MAOA: variants seen among roughly 807,000 people sequenced by gnomAD.
The protein encoded by MAOA is amine oxidase [flavin-containing] A.
A neutral mutation model predicts 42.0 loss-of-function variants in MAOA; 6 were observed. That is an observed-to-expected ratio of 0.14 (90% CI 0.08 to 0.28). The LOEUF (loss-of-function observed/expected upper bound fraction) is 0.28, where lower values mean the gene tolerates loss of function less well. Among genes scored for constraint, MAOA ranks in the 10% least tolerant of loss-of-function variants. The probability of loss-of-function intolerance (pLI) is 1.00; values close to 1 mark genes in which losing one functional copy is unlikely to be tolerated. For synonymous variants in MAOA, 140 were observed against 154.0 expected, an observed-to-expected ratio of 0.91 and a Z score of 0.67; for missense variants, 262 against 422.3, an observed-to-expected ratio of 0.62 and a Z score of 3.33.
chrX:43,723,657 C>T (rs899223594), intron 5 of MAOA, among the ~76,000 whole-genome samples: 3 of 111,550 alleles, frequency 2.7e-5, no homozygotes. Context: ...TTCCTCTCTT[C>T]CTAATTGAAT....
intron 3 of MAOA, among the ~76,000 whole-genome samples, chrX:43,703,513 A>G (rs1326518553): frequency 8.9e-6 from 1 of 112,153 alleles, no homozygotes; most frequent in Non-Finnish European, 1.9e-5. Context: ...TTGTATTCCC[A>G]TGTGTAACAT....
chrX:43,733,471 G>T (rs187183109), intron 9 of MAOA, among the ~76,000 whole-genome samples: 1 of 111,668 alleles, frequency 9.0e-6, no homozygotes, highest in Admixed American at 9.5e-5. Flanking sequence ...TGTCCTACTC[G>T]TTGGGGGCTG....
At chrX:43,739,533 G>C (rs955983432) in intron 10 of MAOA, among the ~76,000 whole-genome samples, 1 of 112,002 alleles carries the variant, frequency 8.9e-6, no homozygotes. Flanking sequence ...AGAGAAATTG[G>C]GGGCATGTCT....
intron 1 of MAOA, among the ~76,000 whole-genome samples, chrX:43,664,471 A>G (rs958068890): frequency 9.0e-6 from 1 of 111,575 alleles, no homozygotes; most frequent in African/African-American, 3.3e-5. Flanking sequence ...CAGAGGTCCA[A>G]TGTCAGCACA....
intron 10 of MAOA, among the ~76,000 whole-genome samples, chrX:43,737,307 T>A (rs1235008725): frequency 9.0e-6 from 1 of 111,249 alleles, no homozygotes; most frequent in East Asian, 2.8e-4. Flanking sequence ...GGATTTGGGG[T>A]CCAGTGATGG....
At chrX:43,659,321 T>C (rs904960838) in intron 1 of MAOA, among the ~76,000 whole-genome samples, 1 of 111,747 alleles carries the variant, frequency 8.9e-6, no homozygotes, top group African/African-American at 3.3e-5. Flanking sequence ...ATAACCCTGC[T>C]GATTTGTTGG....
chrX:43,681,751 A>G (rs1184243207), intron 1 of MAOA, among the ~76,000 whole-genome samples: 1 of 110,491 alleles, frequency 9.1e-6, no homozygotes, highest in African/African-American at 3.3e-5. Flanking sequence ...CTCTGTAATA[A>G]TGAGAAGTCT....
chrX:43,720,508 G>A (rs2033780652), intron 5 of MAOA, among the ~76,000 whole-genome samples: 1 of 110,222 alleles, frequency 9.1e-6, no homozygotes, highest in Non-Finnish European at 1.9e-5. Context: ...CAGGAAACAG[G>A]AATGCTGTAG....
Position 43,681,793 on chromosome X carries a change from C to A in MAOA, c.74-1720C>A, listed in dbSNP as rs762983121. ...AGTATAATGAGAAGTATAAAGTTAA[C>A]TAGGAACTAAGACAGAATTTGAAGT... On this transcript the variant is annotated intron_variant, in intron 1 of 14. Transcript: ENST00000338702. Among the ~76,000 whole-genome samples, 4 of 106,836 alleles carry A rather than the reference C, an allele frequency of 3.7e-5. No homozygotes were observed. The East Asian group carries it at 8.6e-4, about 23-fold the overall frequency. The allele number at this position is 106,836 out of a possible 115,157, so 92.8% of individuals were successfully genotyped here. A position where few individuals can be genotyped will look rare whatever the true frequency, so the allele number is the denominator to read the frequency against.
At chrX:43,698,723 C>A (rs1475653131) in intron 3 of MAOA, among the ~76,000 whole-genome samples, 2 of 111,451 alleles carry the variant, frequency 1.8e-5, no homozygotes, top group East Asian at 5.7e-4. Flanking sequence ...TGAATAGAAT[C>A]CCTCTTCTAA....
At chrX:43,664,049 T>C (rs1391686845) in intron 1 of MAOA, among the ~76,000 whole-genome samples, 1 of 112,351 alleles carries the variant, frequency 8.9e-6, no homozygotes, top group African/African-American at 3.2e-5. Context: ...GTCCTAATAG[T>C]GTAATTATTT....
At chrX:43,713,055 T>C (rs1396187158) in intron 5 of MAOA, among the ~76,000 whole-genome samples, 1 of 112,396 alleles carries the variant, frequency 8.9e-6, no homozygotes, top group Non-Finnish European at 1.9e-5. Context: ...AAATCAATAA[T>C]TGTGTTTTCA....
At chrX:43,686,160 G>C (rs996521879) in intron 2 of MAOA, among the ~76,000 whole-genome samples, 4 of 112,105 alleles carry the variant, frequency 3.6e-5, no homozygotes, top group African/African-American at 9.7e-5. Flanking sequence ...TTTGGAGATA[G>C]TTATTAAGTT....
At chrX:43,690,162 T>G (rs2033521125) in intron 2 of MAOA, among the ~76,000 whole-genome samples, 1 of 109,894 alleles carries the variant, frequency 9.1e-6, no homozygotes, top group East Asian at 2.8e-4. Context: ...TCAGCCACTA[T>G]TTTTTAATAC....
chrX:43,734,498 T>G (rs973546006), intron 9 of MAOA, among the ~76,000 whole-genome samples: 5 of 111,677 alleles, frequency 4.5e-5, no homozygotes, highest in Non-Finnish European at 9.4e-5. Flanking sequence ...ATGGAGTTAT[T>G]TAGGCAATTC....
rs145803401 is a variant in MAOA at position 43,668,505 on chromosome X, G to A, written c.73+12091G>A. 6.8e-3 allele frequency among the ~76,000 whole-genome samples: 766 copies of A among 111,974 alleles called. 1 individual carries two copies. The highest frequency in any genetic ancestry group is 0.012 in the Non-Finnish European group (658 of 53,100). On this transcript the variant is annotated intron_variant, in intron 1 of 14. Coordinates refer to ENST00000338702, the MANE Select transcript of MAOA (RefSeq NM_000240.4). ...CCTTACTTTATTCTAGTTTTTTAAG[G>A]TTTTTATGTTATGCATTTAAATCTT...
chrX:43,690,550 T>C (rs2033524536), intron 2 of MAOA, among the ~76,000 whole-genome samples: 1 of 111,710 alleles, frequency 9.0e-6, no homozygotes, highest in Admixed American at 9.6e-5. Flanking sequence ...TGTTTGCATG[T>C]ATGTTTTGTA....
At chrX:43,667,970 C>T (rs2033297045) in intron 1 of MAOA, among the ~76,000 whole-genome samples, 1 of 111,762 alleles carries the variant, frequency 8.9e-6, no homozygotes, top group Non-Finnish European at 1.9e-5. Flanking sequence ...CTACCACATC[C>T]TTGTATGTAG....
chrX:43,744,765 A>T lies in MAOA; in HGVS notation c.*252A>T, dbSNP rs963042356. On this transcript the variant is annotated 3_prime_UTR_variant, in exon 15 of 15. Transcript: ENST00000338702. ...ATTGATAGAATAAAGCCTTGTGATCACTTTCTGAAATTCACAAAGTTAAAC... is the reference window on the plus strand; with the variant it reads ...ATTGATAGAATAAAGCCTTGTGATCTCTTTCTGAAATTCACAAAGTTAAAC... The T allele has an allele frequency of 2.5e-6, 1 of 400,254 alleles. No homozygotes were observed. Among genetic ancestry groups the T allele is most frequent in the Admixed American group, 4.2e-5 (1 of 23,888 alleles). 33.0% of individuals were successfully genotyped at this position (400,254 alleles called of 1,213,427 possible).
Sources: gnomAD v4.1 joint callset for allele counts (sites outside exome capture counted in the v4.1 genomes callset) on GRCh38, gnomAD v4.1.1 for gene constraint, MANE v1.5 for transcripts, NCBI Gene and HGNC (gene_info 2026-07-23, HGNC 2026-07-21) for gene names.